Variants in SLFN5 observed in about 807,000 individuals in gnomAD.
SLFN5 encodes the protein schlafen family member 5.
A neutral mutation model predicts 48.5 loss-of-function variants in SLFN5; 34 were observed. The ratio of observed to expected loss-of-function variants is 0.70; its 90% CI spans 0.53 to 0.93. The LOEUF is 0.93. Ranked by LOEUF, SLFN5 falls within the 40% of genes least tolerant of loss-of-function variation. The probability of loss-of-function intolerance (pLI) is 0.00; values close to 1 mark genes in which losing one functional copy is unlikely to be tolerated. For missense variants in SLFN5, 1,006 were observed against 1,071.3 expected (o/e 0.94, Z 0.85); for synonymous variants, 387 against 396.2 (o/e 0.98, Z 0.28).
At chr17:35,243,217 G>A (rs538317775) in intron 1 of SLFN5, 74 bp downstream of exon 1, 6 of 152,530 alleles carry the variant, frequency 3.9e-5, no homozygotes, top group Admixed American at 1.3e-4. Context: ...TTCTCCTATT[G>A]GGCTGTGGTG....
intron 1 of SLFN5, among the ~76,000 whole-genome samples, chr17:35,251,178 G>A (rs1427025731): frequency 6.6e-6 from 1 of 152,210 alleles, no homozygotes; most frequent in Non-Finnish European, 1.5e-5. Context: ...CGAGAGCGAT[G>A]TAGAGAAGCC....
At position 35,266,932 on chromosome 17, in the gene SLFN5, C is replaced by A. The variant is rs1904715374; in HGVS notation, c.*1044C>A. 6.6e-6 allele frequency: 1 copy of A among 152,084 alleles called. No individual in the cohort carries two copies. Among genetic ancestry groups the A allele is most frequent in the Non-Finnish European group, 1.5e-5 (1 of 68,012 alleles). The allele number at this position is 152,084 out of a possible 1,614,324, so 9.4% of individuals were successfully genotyped here. Reference sequence around the variant, plus strand: ...ATCCATCTTTTCTGAGAGACAGAAACTAAAAAATTCAGAGTTAATTCACTA... The same window carrying A: ...ATCCATCTTTTCTGAGAGACAGAAAATAAAAAATTCAGAGTTAATTCACTA... On this transcript the variant is annotated 3_prime_UTR_variant, in exon 5 of 5. Transcript: ENST00000299977.
At position 35,266,695 on chromosome 17, in the gene SLFN5, G is replaced by C. The variant is rs1285971058; in HGVS notation, c.*807G>C. 1 of 152,128 alleles carries C rather than the reference G, an allele frequency of 6.6e-6. No homozygotes were observed. Among genetic ancestry groups the C allele is most frequent in the East Asian group, 1.9e-4 (1 of 5,198 alleles). The allele number at this position is 152,128 out of a possible 1,614,324, so 9.4% of individuals were successfully genotyped here. A position where few individuals can be genotyped will look rare whatever the true frequency, so the allele number is the denominator to read the frequency against. Reference sequence around the variant, plus strand: ...CTGATTGATTTGAAGATGATAGAGAGCCTAGGGGGATGAGTCTATTGGACT... The same window carrying C: ...CTGATTGATTTGAAGATGATAGAGACCCTAGGGGGATGAGTCTATTGGACT... On this transcript the variant is annotated 3_prime_UTR_variant, in exon 5 of 5. Coordinates refer to ENST00000299977, the MANE Select transcript of SLFN5 (RefSeq NM_144975.4).
At chr17:35,261,483 A>G (rs1904517822) in intron 3 of SLFN5, among the ~76,000 whole-genome samples, 1 of 152,102 alleles carries the variant, frequency 6.6e-6, no homozygotes, top group South Asian at 2.1e-4. Flanking sequence ...AGCCTGGGCA[A>G]CATAGCAAGA....
At position 35,264,363 on chromosome 17, in the gene SLFN5, A is replaced by G. The variant is rs771963851; in HGVS notation, c.1319A>G (p.Asp440Gly). The G allele has an allele frequency of 3.1e-6, 5 of 1,614,190 alleles. No homozygotes were observed. In the South Asian group the frequency reaches 5.5e-5, roughly 18 times the overall value. ...GLQEKQGVIC[D>G]ALLISQNNTP... ...CAAGAGAAGCAGGGAGTCATCTGTG[A>G]TGCTCTTCTAATTTCCCAGAACAAC... The change falls in exon 4 of 5, where the codon GAT becomes GGT. Residue 440 changes from aspartate (D) to glycine (G), a missense_variant. Asp to Gly is a moderately conservative substitution (Grantham distance 94). Transcript: ENST00000299977.
Position 35,265,707 on chromosome 17 carries a change from C to T in SLFN5, c.2495C>T (p.Ala832Val), listed in dbSNP as rs548838832. ...GATCTGTTACTACAGATCGGTGATG[C>T]GTCGGATGTTCTAACCGATCACATT... Reference protein sequence around the residue: ...ESDLLLQIGDASDVLTDHIVL... With the variant: ...ESDLLLQIGDVSDVLTDHIVL... Residue 832 changes from alanine to valine, a missense_variant, in exon 5 of 5, where the codon GCG becomes GTG. Ala to Val is a moderately conservative substitution (Grantham distance 64). Coordinates refer to ENST00000299977, the MANE Select transcript of SLFN5 (RefSeq NM_144975.4). 4.3e-6 allele frequency: 7 copies of T among 1,614,044 alleles called. No individual in the cohort carries two copies. Among genetic ancestry groups the T allele is most frequent in the African/African-American group, 2.7e-5 (2 of 74,924 alleles).
chr17:35,263,791 G>A lies in SLFN5; in HGVS notation c.1139-392G>A, dbSNP rs574728506. Among the ~76,000 whole-genome samples, 19 of 121,058 alleles carry A rather than the reference G, an allele frequency of 1.6e-4. No individual in the cohort carries two copies. The South Asian group carries it at 3.3e-3, about 21-fold the overall frequency. The allele number at this position is 121,058 out of a possible 152,430, so 79.4% of individuals were successfully genotyped here. A position where few individuals can be genotyped will look rare whatever the true frequency, so the allele number is the denominator to read the frequency against. On this transcript the variant is annotated intron_variant, in intron 3 of 4. Transcript: ENST00000299977. ...TGAGCCGAGATCGCACCACTGGTGC[G>A]ACAGAGCAAGACTCCATCTCAAAAA...
At position 35,259,334 on chromosome 17, in the gene SLFN5, G is replaced by A; in HGVS notation, c.644G>A (p.Cys215Tyr). The A allele has an allele frequency of 1.9e-6, 3 of 1,614,164 alleles. No individual in the cohort carries two copies. Among genetic ancestry groups the A allele is most frequent in the African/African-American group, 2.7e-5 (2 of 75,046 alleles). The change falls in exon 2 of 5, where the codon TGT becomes TAT. Residue 215 changes from cysteine (C) to tyrosine (Y), a missense_variant. By Grantham distance (194) the Cys-to-Tyr change is radical. Transcript: ENST00000299977. ...SHCVKDRLPK[C>Y]VSAFANTEGG... ...TGTGTTAAAGACAGACTTCCGAAGTGTGTTTCTGCATTTGCAAATACTGAA... is the reference window on the plus strand; with the variant it reads ...TGTGTTAAAGACAGACTTCCGAAGTATGTTTCTGCATTTGCAAATACTGAA...
At chr17:35,249,185 A>G in intron 1 of SLFN5, among the ~76,000 whole-genome samples, 1 of 152,188 alleles carries the variant, frequency 6.6e-6, no homozygotes, top group East Asian at 1.9e-4. Context: ...ACTTAATTCT[A>G]AAACAGAAAT....
In SLFN5 at chr17:35,259,300, G is replaced by A. The variant is rs769396858; in HGVS notation, c.610G>A (p.Val204Met). 2.2e-5 allele frequency: 36 copies of A among 1,614,048 alleles called. No individual in the cohort carries two copies. The highest frequency in any genetic ancestry group is 1.4e-4 in the South Asian group (13 of 91,084). The part of the protein sequence containing the change: ...HVEFVMFSTD[V>M]SHCVKDRLPK... ...TGAATTTGTAATGTTCTCGACAGAC[G>A]TGTCACACTGTGTTAAAGACAGACT... Residue 204 changes from valine to methionine, a missense_variant, in exon 2 of 5, where the codon GTG becomes ATG. Physicochemically the swap from Val to Met is conservative, Grantham distance 21 (BLOSUM62 1). Coordinates refer to ENST00000299977, the MANE Select transcript of SLFN5 (RefSeq NM_144975.4).
At chr17:35,245,251 A>G (rs1009316709) in intron 1 of SLFN5, among the ~76,000 whole-genome samples, 2 of 152,246 alleles carry the variant, frequency 1.3e-5, no homozygotes, top group African/African-American at 4.8e-5. Context: ...TTACTTGAAC[A>G]TAAGCAGTAT....
rs1392496218 is a variant in SLFN5, at chr17:35,266,563, T to C, written c.*675T>C. ...ATGCTTTTTGTGAGCCTTTTGGTTA[T>C]GTGGAATCTGTTCCTTAGCTCTGAT... On this transcript the variant is annotated 3_prime_UTR_variant, in exon 5 of 5. Transcript: ENST00000299977. The C allele has an allele frequency of 1.3e-5, 2 of 152,234 alleles. No individual in the cohort carries two copies. Among genetic ancestry groups the C allele is most frequent in the Non-Finnish European group, 2.9e-5 (2 of 68,060 alleles). 9.4% of individuals were successfully genotyped at this position (152,234 alleles called of 1,614,324 possible). A position where few individuals can be genotyped will look rare whatever the true frequency, so the allele number is the denominator to read the frequency against.
In SLFN5 at chr17:35,265,442, A is replaced by T; in HGVS notation, c.2230A>T (p.Met744Leu). The T allele has an allele frequency of 1.2e-6, 2 of 1,614,220 alleles. No individual in the cohort carries two copies. The highest frequency in any genetic ancestry group is 2.2e-5 in the East Asian group (1 of 44,884). Residue 744 changes from methionine (M) to leucine (L), a missense_variant, in exon 5 of 5, where the codon ATG becomes TTG. By Grantham distance (15) the Met-to-Leu change is conservative. Transcript: ENST00000299977. ...PPNLPPGSLV[M>L]LYEPKWAQGV... ...TAACCTCCCCCCTGGGTCCCTGGTG[A>T]TGCTCTATGAACCTAAATGGGCTCA...
In SLFN5 at chr17:35,264,791, G is replaced by A. The variant is rs747550216; in HGVS notation, c.1747G>A (p.Gly583Arg). The change falls in exon 4 of 5, where the codon GGG becomes AGG. Residue 583 changes from glycine to arginine, a missense_variant. Physicochemically the swap from Gly to Arg is moderately radical, Grantham distance 125. Coordinates refer to ENST00000299977, the MANE Select transcript of SLFN5 (RefSeq NM_144975.4). ...ELFVHGLPGS[G>R]KTILALRIME... Reference sequence around the variant, plus strand: ...GTTTGTTCATGGCTTACCTGGATCAGGGAAGACTATCTTGGCTCTTAGGAT... The same window carrying A: ...GTTTGTTCATGGCTTACCTGGATCAAGGAAGACTATCTTGGCTCTTAGGAT... The A allele has an allele frequency of 1.9e-6, 3 of 1,596,410 alleles. No homozygotes were observed. The East Asian group carries it at 6.7e-5, about 36-fold the overall frequency.
rs1016435389 is a variant in SLFN5, at chr17:35,266,964, A to G, written c.*1076A>G. Reference sequence around the variant, plus strand: ...ATTCAGAGTTAATTCACTATTAAAAACAGCAAGGCCCTGCTATTTCCCAAG... The same window carrying G: ...ATTCAGAGTTAATTCACTATTAAAAGCAGCAAGGCCCTGCTATTTCCCAAG... On this transcript the variant is annotated 3_prime_UTR_variant, in exon 5 of 5. Coordinates refer to ENST00000299977, the MANE Select transcript of SLFN5 (RefSeq NM_144975.4). 6.6e-6 allele frequency: 1 copy of G among 152,228 alleles called. No individual in the cohort carries two copies. Among genetic ancestry groups the G allele is most frequent in the African/African-American group, 2.4e-5 (1 of 41,464 alleles). 9.4% of individuals were successfully genotyped at this position (152,228 alleles called of 1,614,324 possible). A position where few individuals can be genotyped will look rare whatever the true frequency, so the allele number is the denominator to read the frequency against.
chr17:35,264,351 G>T lies in SLFN5; in HGVS notation c.1307G>T (p.Gly436Val), dbSNP rs1347287840. The change falls in exon 4 of 5, where the codon GGA (glycine) becomes GTA (valine). Residue 436 changes from glycine to valine, a missense_variant. Physicochemically the swap from Gly to Val is moderately radical, Grantham distance 109 (BLOSUM62 -3). Transcript: ENST00000299977. ...GATTTAGGTCTGCAAGAGAAGCAGGGAGTCATCTGTGATGCTCTTCTAATT... is the reference window on the plus strand; with the variant it reads ...GATTTAGGTCTGCAAGAGAAGCAGGTAGTCATCTGTGATGCTCTTCTAATT... ...AVDLGLQEKQ[G>V]VICDALLISQ... 2.5e-6 allele frequency: 4 copies of T among 1,614,146 alleles called. No homozygotes were observed. Among genetic ancestry groups the T allele is most frequent in the Non-Finnish European group, 3.4e-6 (4 of 1,180,034 alleles).
At chr17:35,250,745 C>CT (rs1345212217) in intron 1 of SLFN5, among the ~76,000 whole-genome samples, 1 of 151,976 alleles carries the variant, frequency 6.6e-6, no homozygotes, top group African/African-American at 2.4e-5. Flanking sequence ...TGATCTCCTA[C>CT]TTTGTTCAGA....
At chr17:35,251,434 C>G (rs1323029044) in intron 1 of SLFN5, among the ~76,000 whole-genome samples, 2 of 152,138 alleles carry the variant, frequency 1.3e-5, no homozygotes, top group African/African-American at 4.8e-5. Flanking sequence ...GAGACGGAGT[C>G]TCGCTCTGTC....
chr17:35,258,827 C>T lies in SLFN5; in HGVS notation c.137C>T (p.Ala46Val), dbSNP rs748656300. The change falls in exon 2 of 5, where the codon GCA becomes GTA. Residue 46 changes from alanine to valine, a missense_variant. Ala to Val is a moderately conservative substitution (Grantham distance 64). Transcript: ENST00000299977. ...REKQNEIILRAVCALLNSGGG... is the reference protein window; with the variant it reads ...REKQNEIILRVVCALLNSGGG... ...AAACAGAATGAAATCATCCTGCGAG[C>T]AGTATGTGCTCTGCTGAATTCTGGT... is the stretch of plus-strand genomic sequence containing the variant. 5.9e-5 allele frequency: 96 copies of T among 1,614,026 alleles called. No homozygotes were observed. The highest frequency in any genetic ancestry group is 7.9e-5 in the Non-Finnish European group (93 of 1,180,038).
Sources: gnomAD v4.1 joint callset for allele counts (sites outside exome capture counted in the v4.1 genomes callset) on GRCh38, gnomAD v4.1.1 for gene constraint, MANE v1.5 for transcripts, NCBI Gene and HGNC (gene_info 2026-07-23, HGNC 2026-07-21) for gene names.